The following CLGN variants were observed in gnomAD, a reference collection of about 807,000 sequenced individuals.
The protein encoded by CLGN is testis tissue sperm-binding protein Li 79P.
In CLGN, 62 loss-of-function variants were observed where a neutral mutation model predicts 79.1. The observed-to-expected ratio is 0.78, with a 90% CI of 0.64 to 0.97. The LOEUF is 0.97. Ranked by LOEUF, CLGN falls within the 50% of genes least tolerant of loss-of-function variation. CLGN has a pLI of 0.00. For synonymous variants in CLGN, 225 were observed against 224.7 expected (o/e 1.00, Z -0.01); for missense variants, 647 against 715.5 (o/e 0.90, Z 1.09).
chr4:140,391,855 A>T (rs1728779023), intron 13 of CLGN, among the ~76,000 whole-genome samples: 1 of 151,798 alleles, frequency 6.6e-6, no homozygotes, highest in Admixed American at 6.6e-5. Flanking sequence ...CATCTGTTTT[A>T]TATCTATTCC....
intron 10 of CLGN, among the ~76,000 whole-genome samples, chr4:140,395,158 T>C (rs1257247859): frequency 1.1e-5 from 1 of 89,864 alleles, no homozygotes; most frequent in Middle Eastern, 5.4e-3. Context: ...TTTGTTTTTT[T>C]GTTTTTTTGT....
Position 140,388,897 on chromosome 4 carries a change from C to G in CLGN, c.*327G>C, listed in dbSNP as rs992588467. On this transcript the variant is annotated 3_prime_UTR_variant, in exon 15 of 15. Transcript: ENST00000325617. ...GTGGAAATTCCAATAACTGATTTTT[C>G]CAATAGCAATGAAGCTGCTACATAT... The G allele has an allele frequency of 6.9e-5, 14 of 204,340 alleles. No individual in the cohort carries two copies. The highest frequency in any genetic ancestry group is 3.0e-4 in the African/African-American group (13 of 43,274). The allele number at this position is 204,340 out of a possible 1,614,324, so 12.7% of individuals were successfully genotyped here.
intron 7 of CLGN, among the ~76,000 whole-genome samples, chr4:140,399,511 A>G (rs187403366): frequency 1.4e-4 from 22 of 152,344 alleles, no homozygotes; most frequent in Admixed American, 1.4e-3. Flanking sequence ...TTATTTCATA[A>G]AGATATTTAT....
chr4:140,412,225 AGTAAAGAAATCT>A (rs1163542963), intron 2 of CLGN, among the ~76,000 whole-genome samples: 1 of 152,210 alleles, frequency 6.6e-6, no homozygotes, highest in Non-Finnish European at 1.5e-5. Context: ...GAGGAAATGA[AGTAAAGAAATCT>A]GTAACAACTA....
chr4:140,400,466 G>A lies in CLGN; in HGVS notation c.585C>T (p.Phe195=). ...CGEDYKLHFI[F]RHKHPKTGVF... ...CTCCAGTTTTGGGATGTTTATGTCT[G>A]AAGATAAAATGAAGTTTATAATCTT... is the stretch of plus-strand genomic sequence containing the variant. The change falls in exon 7 of 15, where the codon TTC becomes TTT. Residue 195 remains phenylalanine, a synonymous_variant. Transcript: ENST00000325617. 2 of 1,606,788 alleles carry A rather than the reference G, an allele frequency of 1.2e-6. No homozygotes were observed. Among genetic ancestry groups the A allele is most frequent in the South Asian group, 1.1e-5 (1 of 90,882 alleles).
intron 2 of CLGN, 140 bp downstream of exon 2, chr4:140,412,795 G>A: frequency 6.6e-6 from 5 of 756,472 alleles, no homozygotes; most frequent in Non-Finnish European, 8.2e-6. Context: ...AAAGTAATAA[G>A]ACACTTAGAA....
At chr4:140,389,725 G>T (rs1311925642) in intron 14 of CLGN, among the ~76,000 whole-genome samples, 1 of 151,748 alleles carries the variant, frequency 6.6e-6, no homozygotes, top group Non-Finnish European at 1.5e-5. Context: ...CTAAATAATG[G>T]TCCCAAAGTC....
intron 1 of CLGN, among the ~76,000 whole-genome samples, chr4:140,417,116 T>C (rs1286891135): frequency 4.2e-4 from 61 of 145,496 alleles, no homozygotes; most frequent in African/African-American, 1.5e-3. Context: ...ATTATCTCAA[T>C]AGATGCAGAA....
intron 1 of CLGN, among the ~76,000 whole-genome samples, chr4:140,413,904 G>A (rs1477937171): frequency 6.6e-6 from 1 of 152,248 alleles, no homozygotes. Context: ...TCTGGGGGCA[G>A]GGCACAGACA....
chr4:140,395,756 T>C (rs1402595259), intron 10 of CLGN, 63 bp downstream of exon 10: 1 of 1,308,904 alleles, frequency 7.6e-7, no homozygotes, highest in East Asian at 2.7e-5. Flanking sequence ...TAATTAGATA[T>C]TTAAATAGAA....
chr4:140,408,581 A>G (rs1417178393), intron 4 of CLGN, among the ~76,000 whole-genome samples: 1 of 152,076 alleles, frequency 6.6e-6, no homozygotes, highest in Non-Finnish European at 1.5e-5. Context: ...AAAATGCTCA[A>G]CATCACTAAT....
chr4:140,392,233 T>G lies in CLGN; in HGVS notation c.1637A>C (p.Glu546Ala), dbSNP rs1728786322. ...LEEEKKQNDGEMLEKEEESEP... is the reference protein window; with the variant it reads ...LEEEKKQNDGAMLEKEEESEP... ...CATCATCTTACCTTTTTCAAGCATT[T>G]CACCATCATTTTGCTTTTTTTCCTC... is the stretch of plus-strand genomic sequence containing the variant. The change falls in exon 13 of 15, where the codon GAA becomes GCA. Residue 546 changes from glutamate (E) to alanine (A), a missense_variant. Glu to Ala is a moderately radical substitution (Grantham distance 107). Transcript: ENST00000325617. 5 of 1,612,468 alleles carry G rather than the reference T, an allele frequency of 3.1e-6. No homozygotes were observed. Among genetic ancestry groups the G allele is most frequent in the Non-Finnish European group, 4.2e-6 (5 of 1,179,326 alleles).
In CLGN at chr4:140,417,166, A is replaced by T. The variant is rs1464689574; in HGVS notation, c.-9-4079T>A. Among the ~76,000 whole-genome samples the T allele has an allele frequency of 3.4e-4, 49 of 143,312 alleles. No homozygotes were observed. The East Asian group carries it at 8.6e-3, about 25-fold the overall frequency. 94.0% of individuals were successfully genotyped at this position (143,312 alleles called of 152,430 possible). On this transcript the variant is annotated intron_variant, in intron 1 of 14. Coordinates refer to ENST00000325617, the MANE Select transcript of CLGN (RefSeq NM_004362.3). The stretch of plus-strand genomic sequence containing the variant: ...AATTCAACAACCCTTCATGCTAAAA[A>T]CTCTCAATAAATTAGGTATTGATGG...
chr4:140,393,193 T>A (rs1728808184), intron 11 of CLGN, among the ~76,000 whole-genome samples: 1 of 152,056 alleles, frequency 6.6e-6, no homozygotes, highest in Non-Finnish European at 1.5e-5. Context: ...AAATAAAATT[T>A]AAAAAATCAA....
chr4:140,424,710 T>A (rs200705264), intron 1 of CLGN, among the ~76,000 whole-genome samples: 1 of 152,150 alleles, frequency 6.6e-6, no homozygotes, highest in East Asian at 1.9e-4. Flanking sequence ...TATTCCTCAC[T>A]CCATGAGGCT....
At chr4:140,419,353 T>TA (rs199777221) in intron 1 of CLGN, among the ~76,000 whole-genome samples, 199 of 148,788 alleles carry the variant, frequency 1.3e-3, no homozygotes, top group Admixed American at 2.7e-3. Context: ...TAAAGTATAA[T>TA]AAAAAAAAAA....
At chr4:140,402,297 GCAGA>G (rs1414925882) in intron 5 of CLGN, among the ~76,000 whole-genome samples, 7 of 151,874 alleles carry the variant, frequency 4.6e-5, no homozygotes, top group African/African-American at 1.7e-4. Flanking sequence ...ACAATCAACT[GCAGA>G]CAAACCAATC....
At position 140,395,835 on chromosome 4, in the gene CLGN, TCG is replaced by T; in HGVS notation, c.1131_1132del (p.Asp378Ter). 1 of 1,507,624 alleles carries T rather than the reference TCG, an allele frequency of 6.6e-7. No individual in the cohort carries two copies. The highest frequency in any genetic ancestry group is 2.3e-5 in the East Asian group (1 of 43,090). 93.4% of individuals were successfully genotyped at this position (1,507,624 alleles called of 1,614,324 possible). ...GGTTGTTACCTGATAGTTAGGATTA[TCG>T]ACCAGTGGAGGTCTCCATACTCCTT... On this transcript the variant is annotated frameshift_variant, in exon 10 of 15. Coordinates refer to ENST00000325617, the MANE Select transcript of CLGN (RefSeq NM_004362.3). LOFTEE classifies it high-confidence loss of function.
intron 1 of CLGN, among the ~76,000 whole-genome samples, chr4:140,426,533 C>A (rs958797895): frequency 3.3e-5 from 5 of 152,250 alleles, no homozygotes; most frequent in African/African-American, 1.2e-4. Flanking sequence ...GAAAACAGGT[C>A]AAACTTACAA....
Sources: gnomAD v4.1 joint callset for allele counts (sites outside exome capture counted in the v4.1 genomes callset) on GRCh38, gnomAD v4.1.1 for gene constraint, MANE v1.5 for transcripts, NCBI Gene and HGNC (gene_info 2026-07-23, HGNC 2026-07-21) for gene names.